The following GRIK1 variants were observed in gnomAD, a reference collection of about 807,000 sequenced individuals.
The protein encoded by GRIK1 is glutamate ionotropic receptor kainate type subunit 1, also known as glutamate receptor ionotropic, kainate 1.
Under a neutral mutation model 105.7 loss-of-function variants are expected in GRIK1, and 69 were observed. The ratio of observed to expected loss-of-function variants is 0.65; its 90% confidence interval spans 0.54 to 0.80. The LOEUF (loss-of-function observed/expected upper bound fraction) is 0.80. Among genes scored for constraint, GRIK1 ranks in the 30% least tolerant of loss-of-function variants. The probability of loss-of-function intolerance (pLI) is 0.00; values close to 1 mark genes in which losing one functional copy is unlikely to be tolerated. For missense variants in GRIK1, 1,109 were observed against 1,167.3 expected, an observed-to-expected ratio of 0.95 and a Z score of 0.73; for synonymous variants, 438 against 431.3, an observed-to-expected ratio of 1.02 and a Z score of -0.19.
intron 7 of GRIK1, among the ~76,000 whole-genome samples, chr21:29,630,034 A>G (rs943600538): frequency 2.6e-5 from 4 of 152,168 alleles, no homozygotes; most frequent in African/African-American, 4.8e-5. Context: ...GAGAAGGCAC[A>G]CTATAGTACT....
chr21:29,899,319 C>T (rs2070299944), intron 1 of GRIK1, among the ~76,000 whole-genome samples: 1 of 152,182 alleles, frequency 6.6e-6, no homozygotes, highest in Admixed American at 6.5e-5. Context: ...CCTAGGATTT[C>T]CTGATACACT....
chr21:29,543,671 A>G (rs2090006210), intron 16 of GRIK1, among the ~76,000 whole-genome samples: 1 of 152,084 alleles, frequency 6.6e-6, no homozygotes, highest in Non-Finnish European at 1.5e-5. Flanking sequence ...GGTTATGTTG[A>G]TTTGTGCCTG....
In GRIK1 at chr21:29,620,796, T is replaced by TAG. The variant is rs1358286717; in HGVS notation, c.1099-21860_1099-21859insCT. Among the ~76,000 whole-genome samples the TAG allele has an allele frequency of 6.7e-3, 754 of 112,356 alleles. 8 individuals carry two copies. Among genetic ancestry groups the TAG allele is most frequent in the African/African-American group, 0.034 (699 of 20,540 alleles). 73.7% of individuals were successfully genotyped at this position (112,356 alleles called of 152,430 possible). Reference sequence around the variant, plus strand: ...ATATATATATAGATATATATATCTATATATATATAGATATATATATATAGT... The same window carrying TAG: ...ATATATATATAGATATATATATCTATAGATATATATAGATATATATATATAGT... On this transcript the variant is annotated intron_variant, in intron 7 of 17. Coordinates refer to ENST00000327783, the MANE Select transcript of GRIK1 (RefSeq NM_001330994.2).
At chr21:29,834,760 TATTAATATTA>T (rs1359138677) in intron 1 of GRIK1, among the ~76,000 whole-genome samples, 1 of 150,790 alleles carries the variant, frequency 6.6e-6, no homozygotes, top group East Asian at 1.9e-4. Flanking sequence ...GTATTAATAT[TATTAATATTA>T]ATTAATATTC....
intron 1 of GRIK1, among the ~76,000 whole-genome samples, chr21:29,698,819 G>A (rs1372321436): frequency 6.6e-6 from 1 of 152,058 alleles, no homozygotes; most frequent in African/African-American, 2.4e-5. Context: ...GAAAGAAGTT[G>A]GGCTTTTTCT....
chr21:29,560,362 T>C lies in GRIK1; in HGVS notation c.2356+1262A>G, dbSNP rs2090392463. 2.2e-4 allele frequency among the ~76,000 whole-genome samples: 11 copies of C among 49,076 alleles called. 1 individual carries two copies. Among genetic ancestry groups the C allele is most frequent in the Non-Finnish European group, 4.2e-4 (11 of 26,220 alleles). 32.2% of individuals were successfully genotyped at this position (49,076 alleles called of 152,430 possible). A position where few individuals can be genotyped will look rare whatever the true frequency, so the allele number is the denominator to read the frequency against. ...TTCTTTCTTTCTTTCTTTCTTTTTC[T>C]TTCTTCCTTCCTTCCTTCCTTCCTT... On this transcript the variant is annotated intron_variant, in intron 15 of 17. Transcript: ENST00000327783.
chr21:29,899,108 T>C (rs914562009), intron 1 of GRIK1, among the ~76,000 whole-genome samples: 1 of 152,220 alleles, frequency 6.6e-6, no homozygotes, highest in African/African-American at 2.4e-5. Context: ...ATTTACCAAA[T>C]TGAAATGAGA....
At chr21:29,878,762 G>C (rs2069285346) in intron 1 of GRIK1, among the ~76,000 whole-genome samples, 1 of 152,088 alleles carries the variant, frequency 6.6e-6, no homozygotes, top group East Asian at 1.9e-4. Flanking sequence ...CACCTACAAA[G>C]CACGAAGTGG....
At chr21:29,690,135 G>A (rs1001644032) in intron 2 of GRIK1, 150 bp from the exon 3 acceptor site, 6 of 667,502 alleles carry the variant, frequency 9.0e-6, no homozygotes, top group African/African-American at 3.6e-5. Flanking sequence ...TCTGCATATT[G>A]AGGAAATACG....
At chr21:29,794,148 G>T in intron 1 of GRIK1, among the ~76,000 whole-genome samples, 1 of 152,210 alleles carries the variant, frequency 6.6e-6, no homozygotes, top group Middle Eastern at 3.4e-3. Flanking sequence ...GATTTTGTTT[G>T]ATAAGATAAT....
rs1237013113 is a variant in GRIK1, at chr21:29,848,792, T to TTTC, written c.118+90590_118+90591insGAA. On this transcript the variant is annotated intron_variant, in intron 1 of 17. Transcript: ENST00000327783. Reference sequence around the variant, plus strand: ...ATATATATATATATTTTTTTTTTTTTCCACGATCTTCACCTTAGCTGTTTG... The same window carrying TTTC: ...ATATATATATATATTTTTTTTTTTTTTTCCCACGATCTTCACCTTAGCTGTTTG... Among the ~76,000 whole-genome samples the TTTC allele has an allele frequency of 1.4e-3, 208 of 144,670 alleles. 3 individuals carry two copies. Among genetic ancestry groups the TTTC allele is most frequent in the African/African-American group, 4.5e-3 (174 of 38,906 alleles). 94.9% of individuals were successfully genotyped at this position (144,670 alleles called of 152,430 possible). A position where few individuals can be genotyped will look rare whatever the true frequency, so the allele number is the denominator to read the frequency against.
intron 1 of GRIK1, among the ~76,000 whole-genome samples, chr21:29,927,978 G>A (rs916583006): frequency 2.0e-5 from 3 of 152,030 alleles, no homozygotes; most frequent in African/African-American, 7.2e-5. Flanking sequence ...TAGAGAGAAA[G>A]AGACAGAGAC....
At chr21:29,659,772 C>T (rs984241721) in intron 4 of GRIK1, among the ~76,000 whole-genome samples, 3 of 152,062 alleles carry the variant, frequency 2.0e-5, no homozygotes, top group African/African-American at 7.2e-5. Context: ...ATCAGCCTGA[C>T]CAACAAGGAG....
chr21:29,919,986 G>C (rs1176752441), intron 1 of GRIK1, among the ~76,000 whole-genome samples: 2 of 152,106 alleles, frequency 1.3e-5, no homozygotes, highest in Non-Finnish European at 2.9e-5. Flanking sequence ...TGGGAGCAGG[G>C]GAGAGGTTCA....
At chr21:29,664,601 A>G (rs1478026063) in intron 4 of GRIK1, among the ~76,000 whole-genome samples, 3 of 152,040 alleles carry the variant, frequency 2.0e-5, no homozygotes, top group African/African-American at 7.3e-5. Context: ...TTTGGCACAT[A>G]GAACTCTACG....
chr21:29,922,965 C>A (rs1375802359), intron 1 of GRIK1, among the ~76,000 whole-genome samples: 1 of 152,132 alleles, frequency 6.6e-6, no homozygotes, highest in Non-Finnish European at 1.5e-5. Context: ...AAAGCAATCA[C>A]CCTTCTTCTT....
At chr21:29,590,968 T>C in intron 10 of GRIK1, 144 bp downstream of exon 10, 1 of 670,512 alleles carries the variant, frequency 1.5e-6, no homozygotes, top group Non-Finnish European at 2.7e-6. Context: ...TGTAAGTATG[T>C]ACAAACACAG....
intron 1 of GRIK1, among the ~76,000 whole-genome samples, chr21:29,716,287 G>T (rs2146836490): frequency 6.6e-6 from 1 of 152,304 alleles, no homozygotes; most frequent in African/African-American, 2.4e-5. Flanking sequence ...TACTGGCACA[G>T]TGGGGTGCTG....
chr21:29,928,022 C>A (rs924119476), intron 1 of GRIK1, among the ~76,000 whole-genome samples: 1 of 152,080 alleles, frequency 6.6e-6, no homozygotes, highest in African/African-American at 2.4e-5. Context: ...AGTTGTTCAA[C>A]CTTTTGGCTT....
Sources: gnomAD v4.1 joint callset for allele counts (sites outside exome capture counted in the v4.1 genomes callset) on GRCh38, gnomAD v4.1.1 for gene constraint, MANE v1.5 for transcripts, NCBI Gene and HGNC (gene_info 2026-07-23, HGNC 2026-07-21) for gene names.